WASHC4: variants seen among roughly 807,000 people sequenced by gnomAD.
The protein encoded by WASHC4 is WASH complex subunit 4.
In WASHC4, 86 loss-of-function variants were observed where a neutral mutation model predicts 166.6. The ratio of observed to expected loss-of-function variants is 0.52; its 90% confidence interval spans 0.43 to 0.62. The LOEUF (loss-of-function observed/expected upper bound fraction) is 0.62, where lower values mean the gene tolerates loss of function less well. Among genes scored for constraint, WASHC4 ranks in the 20% least tolerant of loss-of-function variants. The pLI is 0.00. For synonymous variants in WASHC4, 446 were observed against 451.6 expected (o/e 0.99, Z 0.16); for missense variants, 1,262 against 1,382.4 (o/e 0.91, Z 1.38).
At chr12:105,127,410 G>A (rs912233201) in intron 13 of WASHC4, 121 bp downstream of exon 13, 2 of 787,924 alleles carry the variant, frequency 2.5e-6, no homozygotes, top group Middle Eastern at 3.7e-4. Context: ...GATAAGTAAG[G>A]GTCAGGCAAT....
At chr12:105,154,815 T>C (rs1884022474) in intron 26 of WASHC4, among the ~76,000 whole-genome samples, 1 of 152,224 alleles carries the variant, frequency 6.6e-6, no homozygotes, top group South Asian at 2.1e-4. Context: ...TACTAGGCTC[T>C]CCTATTTTGC....
In WASHC4 at chr12:105,107,788, A is replaced by G. The variant is rs562615723; in HGVS notation, c.-13A>G. On this transcript the variant is annotated 5_prime_UTR_variant, in exon 1 of 33. Transcript: ENST00000332180. ...GGCTGGTTGGGGCTGTGTCTGTGGG[A>G]GGCGCCGGGGTGATGGCGGTGGAGA... The G allele has an allele frequency of 6.5e-7, 1 of 1,545,784 alleles. No individual in the cohort carries two copies. Among genetic ancestry groups the G allele is most frequent in the Non-Finnish European group, 8.8e-7 (1 of 1,142,216 alleles).
chr12:105,118,351 T>G lies in WASHC4; in HGVS notation c.436-95T>G, dbSNP rs924667296. 1.3e-5 allele frequency: 12 copies of G among 904,618 alleles called. No individual in the cohort carries two copies. The African/African-American group carries it at 1.5e-4, about 11-fold the overall frequency. 56.0% of individuals were successfully genotyped at this position (904,618 alleles called of 1,614,324 possible). On this transcript the variant is annotated intron_variant, in intron 6 of 32. Transcript: ENST00000332180. ...AACTGGAGGCTTTATTGGAAAACTG[T>G]TTTGTTTTTGTTAGAGTTGTTACCA...
At chr12:105,140,165 C>G (rs1228176365) in intron 15 of WASHC4, 129 bp from the exon 16 acceptor site, 4 of 728,572 alleles carry the variant, frequency 5.5e-6, no homozygotes, top group Non-Finnish European at 7.3e-6. Context: ...GCCACCACGC[C>G]AGGACTGTAA....
chr12:105,127,196 C>T lies in WASHC4; in HGVS notation c.1106C>T (p.Pro369Leu). 1 of 1,611,200 alleles carries T rather than the reference C, an allele frequency of 6.2e-7. No individual in the cohort carries two copies. Among genetic ancestry groups the T allele is most frequent in the Admixed American group, 1.7e-5 (1 of 60,004 alleles). Residue 369 changes from proline to leucine, a missense_variant, in exon 13 of 33, where the codon CCA becomes CTA. Pro to Leu is a moderately conservative substitution (Grantham distance 98). Transcript: ENST00000332180. ...GATAATTTTCTGATCCAGAAAATAC[C>T]AGCAGCTGCCAAACTGCTAGACAGA... ...FPDNFLIQKI[P>L]AAAKLLDRKS...
chr12:105,166,591 T>C (rs970873201), intron 32 of WASHC4, among the ~76,000 whole-genome samples: 8 of 152,268 alleles, frequency 5.3e-5, no homozygotes, highest in Admixed American at 1.3e-4. Context: ...AAGGAGCCCA[T>C]GTGGTTTGAA....
rs757042982 is a variant in WASHC4 at position 105,144,279 on chromosome 12, G to A, written c.2011-8G>A. The A allele has an allele frequency of 6.2e-7, 1 of 1,608,402 alleles. No homozygotes were observed. Among genetic ancestry groups the A allele is most frequent in the Non-Finnish European group, 8.5e-7 (1 of 1,175,666 alleles). ...GAAAAATTAAAGTATCAAATCTTTT[G>A]TGAATAGCATTTGCTGGACAAATTA... On this transcript the variant is annotated splice_polypyrimidine_tract_variant and splice_region_variant and intron_variant, in intron 20 of 32. Transcript: ENST00000332180.
chr12:105,115,234 G>GT lies in WASHC4; in HGVS notation c.367+8dup. 1.3e-6 allele frequency: 2 copies of GT among 1,555,694 alleles called. No individual in the cohort carries two copies. Among genetic ancestry groups the GT allele is most frequent in the Non-Finnish European group, 1.8e-6 (2 of 1,127,736 alleles). On this transcript the variant is annotated splice_donor_region_variant and intron_variant, in intron 5 of 32. Transcript: ENST00000332180. ...TCTTGTTTTATGGAGAAGGAGGTAA[G>GT]TTTAAAATTCCAAATTGTGATGCCT...
At chr12:105,165,416 T>A (rs905327053) in intron 32 of WASHC4, among the ~76,000 whole-genome samples, 8 of 152,216 alleles carry the variant, frequency 5.3e-5, no homozygotes, top group African/African-American at 1.9e-4. Context: ...AATAATCATC[T>A]TCTCTGAGAA....
At position 105,111,142 on chromosome 12, in the gene WASHC4, C is replaced by A; in HGVS notation, c.79C>A (p.Gln27Lys). The A allele has an allele frequency of 6.2e-7, 1 of 1,606,316 alleles. No individual in the cohort carries two copies. The highest frequency in any genetic ancestry group is 8.5e-7 in the Non-Finnish European group (1 of 1,173,852). ...DGSQKIHAEV[Q>K]LKNYGKFLEE... ...AAACTTAGAAATTCATGCCGAAGTC[C>A]AACTTAAGAATTATGGGAAATTTCT... The change falls in exon 2 of 33, where the codon CAA becomes AAA. Residue 27 changes from glutamine to lysine, a missense_variant. By Grantham distance (53) the Gln-to-Lys change is moderately conservative. Coordinates refer to ENST00000332180, the MANE Select transcript of WASHC4 (RefSeq NM_015275.3).
chr12:105,133,730 AT>A, intron 13 of WASHC4, 39 bp from the exon 14 acceptor site: 1 of 1,585,612 alleles, frequency 6.3e-7, no homozygotes, highest in African/African-American at 1.3e-5. Flanking sequence ...ATGGAAGTAA[AT>A]TTTCTTTGCT....
Position 105,159,626 on chromosome 12 carries a change from T to C in WASHC4, c.2913-375T>C, listed in dbSNP as rs970310393. 2.6e-4 allele frequency among the ~76,000 whole-genome samples: 4 copies of C among 15,544 alleles called. No homozygotes were observed. The African/African-American group carries it at 3.1e-3, about 12-fold the overall frequency. The allele number at this position is 15,544 out of a possible 152,430, so 10.2% of individuals were successfully genotyped here. ...TTTGAAGGTTGAGAGGGAAACTGAG[T>C]TCTTGAAAAAAAGAGCCAGGTTTAT... On this transcript the variant is annotated intron_variant, in intron 28 of 32. Transcript: ENST00000332180.
chr12:105,126,094 C>T lies in WASHC4; in HGVS notation c.877C>T (p.Arg293Trp), dbSNP rs765881333. The change falls in exon 11 of 33, where the codon CGG (arginine) becomes TGG (tryptophan). Residue 293 changes from arginine to tryptophan, a missense_variant. By Grantham distance (101) the Arg-to-Trp change is moderately radical. Transcript: ENST00000332180. ...TGCTGAGGAATTTGCACATAGTATT[C>T]GGTCAATTTTTGCAAATGTAGAAGC... ...TFAEEFAHSI[R>W]SIFANVEAKL... is the part of the protein sequence containing the mutation. The T allele has an allele frequency of 6.8e-6, 11 of 1,612,744 alleles. No individual in the cohort carries two copies. Among genetic ancestry groups the T allele is most frequent in the Middle Eastern group, 1.6e-4 (1 of 6,068 alleles).
chr12:105,140,820 A>G, intron 16 of WASHC4, 79 bp from the exon 17 acceptor site: 2 of 1,366,656 alleles, frequency 1.5e-6, no homozygotes, highest in East Asian at 2.3e-5. Context: ...GAATCATGGA[A>G]AAGATAATCA....
At chr12:105,118,378 A>C in intron 6 of WASHC4, 68 bp from the exon 7 acceptor site, 1 of 1,122,380 alleles carries the variant, frequency 8.9e-7, no homozygotes, top group Non-Finnish European at 1.4e-6. Context: ...TTGTTACCAT[A>C]AAATTCAGTA....
chr12:105,134,026 G>A, intron 14 of WASHC4, 130 bp downstream of exon 14: 1 of 793,724 alleles, frequency 1.3e-6, no homozygotes, highest in Non-Finnish European at 2.0e-6. Flanking sequence ...GTTATGTTGG[G>A]ATCTGTGTGA....
At chr12:105,162,435 CCTT>C (rs1370913858) in intron 29 of WASHC4, among the ~76,000 whole-genome samples, 1 of 152,128 alleles carries the variant, frequency 6.6e-6, no homozygotes, top group African/African-American at 2.4e-5. Flanking sequence ...GCCTCGGTGT[CCTT>C]CTCTGTAAAA....
Position 105,148,821 on chromosome 12 carries a change from A to G in WASHC4, c.2515-794A>G, listed in dbSNP as rs2440716. Reference sequence around the variant, plus strand: ...TGTAGGTTGGAATTAATCTTATGCTATTTCTGCCTGTAGGTTGGAATTAAT... The same window carrying G: ...TGTAGGTTGGAATTAATCTTATGCTGTTTCTGCCTGTAGGTTGGAATTAAT... On this transcript the variant is annotated intron_variant, in intron 24 of 32. Transcript: ENST00000332180. 3,259 of 985,178 alleles carry G rather than the reference A, an allele frequency of 3.3e-3. 13 individuals carry two copies. Among genetic ancestry groups the G allele is most frequent in the Middle Eastern group, 0.018 (34 of 1,914 alleles). 61.0% of individuals were successfully genotyped at this position (985,178 alleles called of 1,614,324 possible).
chr12:105,163,911 A>G (rs1340314621), intron 30 of WASHC4, among the ~76,000 whole-genome samples, 200 bp from the exon 31 acceptor site: 1 of 152,058 alleles, frequency 6.6e-6, no homozygotes, highest in Non-Finnish European at 1.5e-5. Context: ...ATACTTCTAC[A>G]TTGTTTTTAA....
Sources: allele counts gnomAD v4.1 joint callset (sites outside exome capture counted in the v4.1 genomes callset), GRCh38; gene constraint gnomAD v4.1.1; transcripts MANE v1.5; gene names NCBI Gene and HGNC (gene_info 2026-07-23, HGNC 2026-07-21).